The following ARHGAP20 variants were observed in gnomAD, a reference collection of about 807,000 sequenced individuals.
ARHGAP20 encodes the protein rho GTPase-activating protein 20.
A neutral mutation model predicts 73.7 loss-of-function variants in ARHGAP20; 34 were observed. That is an observed-to-expected ratio of 0.46 (90% CI 0.35 to 0.61). The LOEUF (loss-of-function observed/expected upper bound fraction) is 0.61. Ranked by LOEUF, ARHGAP20 falls within the 20% of genes least tolerant of loss-of-function variation. The probability of loss-of-function intolerance (pLI) is 0.00; values close to 1 mark genes in which losing one functional copy is unlikely to be tolerated. For missense variants in ARHGAP20, 1,314 were observed against 1,420.9 expected (o/e 0.92, Z 1.21); for synonymous variants, 523 against 518.2 (o/e 1.01, Z -0.13).
intron 2 of ARHGAP20, among the ~76,000 whole-genome samples, chr11:110,643,476 T>G (rs1441389644): frequency 6.6e-6 from 1 of 152,146 alleles, no homozygotes. Context: ...TCTGTTTTCA[T>G]TAATTTCAAA....
chr11:110,621,022 C>T (rs1008064363), intron 4 of ARHGAP20, among the ~76,000 whole-genome samples: 2 of 126,578 alleles, frequency 1.6e-5, no homozygotes, highest in East Asian at 2.4e-4. Flanking sequence ...TGCAGTGAGC[C>T]GAGATCATGC....
At chr11:110,644,594 CCATATG>C (rs1949147425) in intron 2 of ARHGAP20, among the ~76,000 whole-genome samples, 1 of 152,080 alleles carries the variant, frequency 6.6e-6, no homozygotes, top group Non-Finnish European at 1.5e-5. Context: ...AGCTGGCTAT[CCATATG>C]TAGAATAAAA....
At chr11:110,595,595 A>G (rs1947937220) in intron 9 of ARHGAP20, among the ~76,000 whole-genome samples, 2 of 152,250 alleles carry the variant, frequency 1.3e-5, no homozygotes, top group South Asian at 4.1e-4. Flanking sequence ...AGGGATGTGA[A>G]GGACCTCTTC....
Position 110,671,509 on chromosome 11 carries a change from C to T in ARHGAP20, c.188+19038G>A, listed in dbSNP as rs138678928. Among the ~76,000 whole-genome samples the T allele has an allele frequency of 7.3e-3, 1,114 of 151,802 alleles. 4 individuals carry two copies. The highest frequency in any genetic ancestry group is 0.021 in the South Asian group (103 of 4,802). Reference sequence around the variant, plus strand: ...AGAAGTTTTAGTACACTGAGGCAAGCGAAGGAAATAAAAATCAAACAAATT... The same window carrying T: ...AGAAGTTTTAGTACACTGAGGCAAGTGAAGGAAATAAAAATCAAACAAATT... On this transcript the variant is annotated intron_variant, in intron 2 of 14. Transcript: ENST00000683387.
intron 2 of ARHGAP20, among the ~76,000 whole-genome samples, chr11:110,687,057 G>GACACAC (rs761078220): frequency 8.5e-6 from 1 of 117,648 alleles, no homozygotes; most frequent in Non-Finnish European, 1.7e-5. Flanking sequence ...TATATATATA[G>GACACAC]ACACACACAC....
At chr11:110,631,968 G>C (rs917679508) in intron 2 of ARHGAP20, among the ~76,000 whole-genome samples, 2 of 152,198 alleles carry the variant, frequency 1.3e-5, no homozygotes, top group Admixed American at 6.5e-5. Context: ...TTTTGTGTAA[G>C]ATATTACTTC....
rs7934791 is a variant in ARHGAP20, at chr11:110,712,094, C to A, written c.105+33G>T. On this transcript the variant is annotated intron_variant, in intron 1 of 14. Coordinates refer to ENST00000683387, the MANE Select transcript of ARHGAP20 (RefSeq NM_001384657.1). ...GCGCCGGCAGTGGGGGCTGCGGCGG[C>A]GGAGGGCACGGGCCCCCGCTCAGCG... 5.1e-4 allele frequency: 648 copies of A among 1,270,940 alleles called. 2 individuals carry two copies. The African/African-American group carries it at 9.5e-3, about 19-fold the overall frequency. 78.7% of individuals were successfully genotyped at this position (1,270,940 alleles called of 1,614,324 possible).
intron 9 of ARHGAP20, among the ~76,000 whole-genome samples, chr11:110,596,452 T>G (rs927376058): frequency 1.3e-5 from 2 of 150,270 alleles, no homozygotes; most frequent in African/African-American, 2.4e-5. Flanking sequence ...TTACAAGAAA[T>G]AAACAACCCC....
chr11:110,711,792 G>A (rs1950664257), intron 1 of ARHGAP20: 1 of 1,350,858 alleles, frequency 7.4e-7, no homozygotes, highest in Non-Finnish European at 9.5e-7. Context: ...GTCGGGGAAA[G>A]GCGATCGCCC....
At chr11:110,698,239 T>C (rs1950375561) in intron 1 of ARHGAP20, among the ~76,000 whole-genome samples, 1 of 151,906 alleles carries the variant, frequency 6.6e-6, no homozygotes, top group South Asian at 2.1e-4. Context: ...TTTGTGGATG[T>C]TGAACCATCA....
chr11:110,711,911 G>A, intron 1 of ARHGAP20: 2 of 1,262,656 alleles, frequency 1.6e-6, no homozygotes, highest in South Asian at 3.3e-5. Context: ...TAAGGCTCTA[G>A]AAACGGAGAA....
chr11:110,658,539 A>C (rs1009671262), intron 2 of ARHGAP20, among the ~76,000 whole-genome samples: 1 of 152,238 alleles, frequency 6.6e-6, no homozygotes, highest in African/African-American at 2.4e-5. Context: ...TATGCCTGAC[A>C]AGTAGGAAAA....
intron 4 of ARHGAP20, among the ~76,000 whole-genome samples, chr11:110,620,077 G>A (rs577960566): frequency 6.6e-6 from 1 of 152,146 alleles, no homozygotes; most frequent in East Asian, 1.9e-4. Context: ...TATTGCCCAG[G>A]TTGGAGTGTA....
At chr11:110,624,626 G>GTT (rs35542455) in intron 3 of ARHGAP20, among the ~76,000 whole-genome samples, 2,586 of 147,196 alleles carry the variant, frequency 0.018, 43 homozygotes, top group Non-Finnish European at 0.029. Flanking sequence ...CATGTATCCT[G>GTT]TTTTTTTTTT....
chr11:110,639,927 A>G (rs1005565600), intron 2 of ARHGAP20, among the ~76,000 whole-genome samples: 5 of 151,892 alleles, frequency 3.3e-5, no homozygotes, highest in Admixed American at 1.3e-4. Context: ...TCTGTTTCCA[A>G]TTCTTTTGAG....
chr11:110,586,426 C>G (rs978377213), intron 11 of ARHGAP20, 101 bp from the exon 12 acceptor site: 2 of 617,138 alleles, frequency 3.2e-6, no homozygotes, highest in Non-Finnish European at 5.3e-6. Flanking sequence ...CCCTTACGTA[C>G]TCTCTTCTGT....
intron 2 of ARHGAP20, among the ~76,000 whole-genome samples, chr11:110,656,917 C>A (rs534823367): frequency 9.2e-5 from 14 of 152,122 alleles, no homozygotes; most frequent in African/African-American, 3.1e-4. Flanking sequence ...TAATTGATTT[C>A]TTTTTACCCA....
chr11:110,605,919 C>A (rs1242987396), intron 9 of ARHGAP20, among the ~76,000 whole-genome samples: 1 of 152,182 alleles, frequency 6.6e-6, no homozygotes, highest in Non-Finnish European at 1.5e-5. Context: ...TTTTTGATAT[C>A]AATTTTCTTC....
intron 2 of ARHGAP20, among the ~76,000 whole-genome samples, chr11:110,631,844 C>T (rs1302547343): frequency 6.6e-6 from 1 of 152,188 alleles, no homozygotes; most frequent in Non-Finnish European, 1.5e-5. Context: ...ACTCCTTATA[C>T]CAGTCAATCC....
Sources: allele counts gnomAD v4.1 joint callset (sites outside exome capture counted in the v4.1 genomes callset), GRCh38; gene constraint gnomAD v4.1.1; transcripts MANE v1.5; gene names NCBI Gene and HGNC (gene_info 2026-07-23, HGNC 2026-07-21).